UNC79: variants seen among roughly 807,000 people sequenced by gnomAD.
UNC79 encodes the protein protein unc-79 homolog.
A neutral mutation model predicts 283.1 loss-of-function variants in UNC79; 37 were observed. That is an observed-to-expected ratio of 0.13 (90% CI 0.10 to 0.17). UNC79 has a LOEUF of 0.17. UNC79 is among the 10% of genes least tolerant of loss of function. The pLI, the probability that UNC79 is intolerant of heterozygous loss-of-function variation, is 1.00. For missense variants in UNC79, 2,272 were observed against 3,211.1 expected (o/e 0.71, Z 7.07); for synonymous variants, 1,107 against 1,200.2 (o/e 0.92, Z 1.61).
chr14:93,442,616 A>G (rs8004254), intron 1 of UNC79, among the ~76,000 whole-genome samples: 96,328 of 152,030 alleles, frequency 0.63, 31,165 homozygotes, highest in Middle Eastern at 0.77. Flanking sequence ...GACTACTATC[A>G]CCATGTCTTC....
At chr14:93,647,254 C>T (rs1036749179) in intron 35 of UNC79, among the ~76,000 whole-genome samples, 7 of 152,114 alleles carry the variant, frequency 4.6e-5, no homozygotes, top group African/African-American at 1.7e-4. Context: ...AACATCAAAT[C>T]CTGGCTCTCA....
chr14:93,481,076 C>G (rs2058112313), intron 4 of UNC79, among the ~76,000 whole-genome samples: 1 of 152,100 alleles, frequency 6.6e-6, no homozygotes, highest in African/African-American at 2.4e-5. Flanking sequence ...TCAGAGATTT[C>G]CTCCTTACCA....
chr14:93,408,164 T>G (rs2140043145), intron 1 of UNC79, among the ~76,000 whole-genome samples: 1 of 152,294 alleles, frequency 6.6e-6, no homozygotes, highest in Admixed American at 6.5e-5. Flanking sequence ...ATGATGAGAC[T>G]GGACATTTAA....
At chr14:93,568,026 C>T (rs2062997427) in intron 14 of UNC79, among the ~76,000 whole-genome samples, 1 of 152,162 alleles carries the variant, frequency 6.6e-6, no homozygotes, top group Admixed American at 6.5e-5. Context: ...CCAAAGGAGG[C>T]AGTCAGATAT....
intron 35 of UNC79, among the ~76,000 whole-genome samples, chr14:93,648,806 T>C (rs1035057089): frequency 3.9e-5 from 6 of 152,296 alleles, no homozygotes; most frequent in African/African-American, 1.4e-4. Flanking sequence ...GGAGGAACTA[T>C]GAAAAAGCCA....
intron 1 of UNC79, among the ~76,000 whole-genome samples, chr14:93,365,583 G>C (rs1397875060): frequency 6.6e-6 from 1 of 152,082 alleles, no homozygotes; most frequent in Non-Finnish European, 1.5e-5. Flanking sequence ...CCTTGACTAT[G>C]AAGCAGAGAT....
chr14:93,691,960 CGAGTT>C lies in UNC79; in HGVS notation c.7470+15_7470+19del. 6 of 1,612,952 alleles carry C rather than the reference CGAGTT, an allele frequency of 3.7e-6. No homozygotes were observed. The highest frequency in any genetic ancestry group is 5.1e-6 in the Non-Finnish European group (6 of 1,178,974). The stretch of plus-strand genomic sequence containing the variant: ...CATAACAAAGTGGTGAGTTCACAGA[CGAGTT>C]TCCCTTCTGAGATGGAATCTCAAAG... On this transcript the variant is annotated intron_variant, in intron 46 of 48. Coordinates refer to ENST00000555664, the Ensembl canonical transcript of UNC79.
At chr14:93,412,512 A>T (rs1241812243) in intron 1 of UNC79, among the ~76,000 whole-genome samples, 1 of 152,120 alleles carries the variant, frequency 6.6e-6, no homozygotes, top group Non-Finnish European at 1.5e-5. Flanking sequence ...AAGGTCAAGG[A>T]TAAAGAAAAG....
At chr14:93,625,117 C>G (rs1405392693) in intron 30 of UNC79, among the ~76,000 whole-genome samples, 1 of 152,210 alleles carries the variant, frequency 6.6e-6, no homozygotes, top group African/African-American at 2.4e-5. Context: ...AAATCCCTCA[C>G]ACACATTCTC....
At position 93,577,895 on chromosome 14, in the gene UNC79, A is replaced by G. The variant is rs766328842; in HGVS notation, c.2265A>G (p.Pro755=). The change falls in exon 18 of 49, where the codon CCA becomes CCG. Residue 755 remains proline, a synonymous_variant. Transcript: ENST00000555664. ...GAGTTCAGCACAATATGCTTAGTCC[A>G]TTTCATAGTCCTTTCCAGAGTCCGT... 4 of 1,614,166 alleles carry G rather than the reference A, an allele frequency of 2.5e-6. No individual in the cohort carries two copies. In the East Asian group the frequency reaches 6.7e-5, roughly 27 times the overall value.
At chr14:93,605,140 A>G (rs1234483332) in intron 26 of UNC79, among the ~76,000 whole-genome samples, 179 bp downstream of exon 27, 2 of 152,030 alleles carry the variant, frequency 1.3e-5, no homozygotes, top group African/African-American at 4.8e-5. Context: ...TTCCATTTTG[A>G]TATTAACAGA....
At chr14:93,501,833 C>G (rs192834517) in intron 7 of UNC79, among the ~76,000 whole-genome samples, 54 of 152,246 alleles carry the variant, frequency 3.5e-4, no homozygotes, top group African/African-American at 1.3e-3. Flanking sequence ...TGTAATTACA[C>G]AAGGCTCCTC....
chr14:93,523,944 G>A (rs766315477), intron 7 of UNC79, 34 bp from the exon 8 acceptor site: 2 of 1,604,138 alleles, frequency 1.2e-6, no homozygotes, highest in East Asian at 4.5e-5. Flanking sequence ...TAATTTCAAT[G>A]AGAAGTATTC....
At chr14:93,542,819 T>C (rs2061434609) in intron 14 of UNC79, 123 bp downstream of exon 14, 1 of 863,496 alleles carries the variant, frequency 1.2e-6, no homozygotes, top group South Asian at 1.7e-5. Flanking sequence ...TTTTAATTAA[T>C]ATAGCTAAAT....
chr14:93,545,639 T>G (rs2061560865), intron 14 of UNC79, among the ~76,000 whole-genome samples: 1 of 152,226 alleles, frequency 6.6e-6, no homozygotes, highest in South Asian at 2.1e-4. Context: ...AAGTCAATCT[T>G]AGTTCCTTAA....
intron 1 of UNC79, among the ~76,000 whole-genome samples, chr14:93,364,187 A>G (rs986218230): frequency 1.1e-4 from 16 of 152,186 alleles, no homozygotes; most frequent in Non-Finnish European, 2.1e-4. Context: ...TACCCATGCA[A>G]CCAGCTCCCA....
rs1025419834 is a variant in UNC79, at chr14:93,420,847, T to C, written c.-350-46824T>C. On this transcript the variant is annotated intron_variant, in intron 1 of 49. Coordinates refer to the UNC79 transcript ENST00000256339. ...ACGTGGAAATTAAGCAATATACTTC[T>C]AAATGACCAGTGAGTCAATAAAGAT... Among the ~76,000 whole-genome samples the C allele has an allele frequency of 2.6e-5, 4 of 151,722 alleles. 1 individual carries two copies. Among genetic ancestry groups the C allele is most frequent in the Non-Finnish European group, 2.9e-5 (2 of 67,876 alleles).
intron 1 of UNC79, chr14:93,347,340 C>T (rs756228388): frequency 8.1e-6 from 13 of 1,599,632 alleles, no homozygotes; most frequent in Non-Finnish European, 9.3e-6. Flanking sequence ...GCCTGCAGCC[C>T]GCTCCCCGCT....
chr14:93,673,455 G>A, exon 41 of UNC79: 2 of 1,611,274 alleles, frequency 1.2e-6, no homozygotes, highest in Non-Finnish European at 1.7e-6. Flanking sequence ...TGCTTGTTCA[G>A]GTAAGCTCAT....
Sources: allele counts gnomAD v4.1 joint callset (sites outside exome capture counted in the v4.1 genomes callset), GRCh38; gene constraint gnomAD v4.1.1; transcripts MANE v1.5; gene names NCBI Gene and HGNC (gene_info 2026-07-23, HGNC 2026-07-21).